Variants in AFAP1 observed in about 807,000 individuals in gnomAD.
AFAP1 encodes actin filament-associated protein 1.
A neutral mutation model predicts 93.9 loss-of-function variants in AFAP1; 75 were observed. The ratio of observed to expected loss-of-function variants is 0.80; its 90% CI spans 0.66 to 0.97. AFAP1 has a LOEUF of 0.97. AFAP1 is among the 50% of genes least tolerant of loss of function. The probability of loss-of-function intolerance (pLI) is 0.00; values close to 1 mark genes in which losing one functional copy is unlikely to be tolerated. For synonymous variants in AFAP1, 517 were observed against 430.7 expected (o/e 1.20, Z -2.48); for missense variants, 1,201 against 1,050.8 (o/e 1.14, Z -1.98).
In AFAP1 at chr4:7,931,866, TTTTC is replaced by T. The variant is rs147051896; in HGVS notation, c.-3+7786_-3+7789del. On this transcript the variant is annotated intron_variant, in intron 1 of 17. Transcript: ENST00000420658. ...CTTAGGATTATAGATTCTGGTTTCTTTTTCTTTTTTTTGAGACGGAGTCTCACTT... is the reference window on the plus strand; with the variant it reads ...CTTAGGATTATAGATTCTGGTTTCTTTTTTTTTTGAGACGGAGTCTCACTT... 2.6e-4 allele frequency among the ~76,000 whole-genome samples: 40 copies of T among 151,800 alleles called. No homozygotes were observed. The East Asian group carries it at 7.7e-3, about 29-fold the overall frequency.
intron 1 of AFAP1, among the ~76,000 whole-genome samples, chr4:7,921,851 C>T (rs532374439): frequency 2.0e-5 from 3 of 152,246 alleles, no homozygotes; most frequent in Non-Finnish European, 4.4e-5. Context: ...ATAGGCCGGG[C>T]GCGGTGGCTC....
At chr4:7,910,137 A>G (rs901510430) in intron 1 of AFAP1, among the ~76,000 whole-genome samples, 20 of 152,170 alleles carry the variant, frequency 1.3e-4, no homozygotes, top group African/African-American at 4.6e-4. Flanking sequence ...AAAATTCAGA[A>G]TCAGGGAAAA....
At chr4:7,776,288 TC>T (rs1234610714) in intron 14 of AFAP1, 1 of 152,112 alleles carries the variant, frequency 6.6e-6, no homozygotes, top group Non-Finnish European at 1.5e-5. Flanking sequence ...AAACCCACAC[TC>T]CACCCTCCCT....
chr4:7,913,379 C>T (rs1374077117), intron 1 of AFAP1, among the ~76,000 whole-genome samples: 2 of 147,054 alleles, frequency 1.4e-5, no homozygotes, highest in Admixed American at 6.7e-5. Context: ...GACAGTAAGA[C>T]CCTGTCTCCA....
At chr4:7,914,121 C>T (rs1033366255) in intron 1 of AFAP1, among the ~76,000 whole-genome samples, 1 of 151,536 alleles carries the variant, frequency 6.6e-6, no homozygotes, top group East Asian at 1.9e-4. Flanking sequence ...GTGGCGCGAT[C>T]TCAGCTCACC....
At chr4:7,846,291 A>G (rs1279483432) in intron 4 of AFAP1, among the ~76,000 whole-genome samples, 2 of 152,220 alleles carry the variant, frequency 1.3e-5, no homozygotes, top group Non-Finnish European at 2.9e-5. Context: ...TATTTTATGC[A>G]CTTTCTGGTA....
intron 1 of AFAP1, among the ~76,000 whole-genome samples, chr4:7,911,915 T>C (rs1719754342): frequency 6.6e-6 from 1 of 152,204 alleles, no homozygotes; most frequent in African/African-American, 2.4e-5. Context: ...ATTGTTCCAA[T>C]GGCAACACGG....
chr4:7,838,301 TAC>T (rs898607391), intron 6 of AFAP1, among the ~76,000 whole-genome samples: 36 of 152,208 alleles, frequency 2.4e-4, no homozygotes, highest in African/African-American at 8.7e-4. Context: ...CGAAGCAGCC[TAC>T]AAACAGAGAC....
chr4:7,860,942 C>T (rs1026098637), intron 3 of AFAP1, among the ~76,000 whole-genome samples: 12 of 152,174 alleles, frequency 7.9e-5, no homozygotes, highest in African/African-American at 2.9e-4. Flanking sequence ...CGCCTCGCCT[C>T]GTGGCTGGCA....
rs1417371398 is a variant in AFAP1, at chr4:7,760,926, CCAGTGACATTGCGAAG to C, written c.*2823_*2838del. 2.0e-5 allele frequency: 3 copies of C among 152,278 alleles called. No individual in the cohort carries two copies. The highest frequency in any genetic ancestry group is 7.2e-5 in the African/African-American group (3 of 41,468). 9.4% of individuals were successfully genotyped at this position (152,278 alleles called of 1,614,324 possible). A position where few individuals can be genotyped will look rare whatever the true frequency, so the allele number is the denominator to read the frequency against. ...TGTGAACACGACCATCTGCTAAGTA[CCAGTGACATTGCGAAG>C]AAATCCGGCTTCTCCGGGGACCCTG... is the stretch of plus-strand genomic sequence containing the variant. On this transcript the variant is annotated 3_prime_UTR_variant, in exon 18 of 18. Coordinates refer to ENST00000420658, the MANE Select transcript of AFAP1 (RefSeq NM_001134647.2).
At chr4:7,827,143 CG>C (rs892651223) in intron 6 of AFAP1, among the ~76,000 whole-genome samples, 11 of 152,004 alleles carry the variant, frequency 7.2e-5, no homozygotes, top group African/African-American at 2.7e-4. Context: ...GAAGAGGACC[CG>C]TAAGCCCGAG....
Position 7,761,120 on chromosome 4 carries a change from C to T in AFAP1, c.*2645G>A, listed in dbSNP as rs532533166. The T allele has an allele frequency of 1.1e-4, 16 of 152,256 alleles. No individual in the cohort carries two copies. The highest frequency in any genetic ancestry group is 2.1e-4 in the South Asian group (1 of 4,820). 9.4% of individuals were successfully genotyped at this position (152,256 alleles called of 1,614,324 possible). A position where few individuals can be genotyped will look rare whatever the true frequency, so the allele number is the denominator to read the frequency against. On this transcript the variant is annotated 3_prime_UTR_variant, in exon 18 of 18. Transcript: ENST00000420658. ...CTGTCAGAATTCTGGCAAGATGGCT[C>T]GCGTGTGTCTAATATGTACAGATAT...
At chr4:7,886,031 T>C (rs942224713) in intron 1 of AFAP1, among the ~76,000 whole-genome samples, 2 of 152,194 alleles carry the variant, frequency 1.3e-5, no homozygotes, top group African/African-American at 4.8e-5. Flanking sequence ...CCGCAGATCA[T>C]CCAAATGCGC....
chr4:7,911,022 C>G (rs1185992803), intron 1 of AFAP1, among the ~76,000 whole-genome samples: 1 of 152,202 alleles, frequency 6.6e-6, no homozygotes, highest in Non-Finnish European at 1.5e-5. Flanking sequence ...GCTATCGAGT[C>G]CTGGCAGCTC....
At chr4:7,839,862 T>A (rs1428835858) in intron 5 of AFAP1, among the ~76,000 whole-genome samples, 2 of 152,216 alleles carry the variant, frequency 1.3e-5, no homozygotes, top group Admixed American at 6.5e-5. Context: ...TTTATCTGCA[T>A]CCCAGGGAGT....
chr4:7,880,362 C>G (rs905865233), intron 1 of AFAP1, among the ~76,000 whole-genome samples: 7 of 143,372 alleles, frequency 4.9e-5, no homozygotes, highest in Admixed American at 1.5e-4. Flanking sequence ...TCACTGCAAT[C>G]TCTGCCTTCT....
chr4:7,908,029 C>T (rs141591436), intron 1 of AFAP1, among the ~76,000 whole-genome samples: 322 of 152,184 alleles, frequency 2.1e-3, no homozygotes, highest in African/African-American at 7.3e-3. Flanking sequence ...CCGGCCAATG[C>T]GGTGAAACCC....
chr4:7,802,226 CTT>C (rs1719113665), intron 9 of AFAP1, among the ~76,000 whole-genome samples: 1 of 152,068 alleles, frequency 6.6e-6, no homozygotes, highest in South Asian at 2.1e-4. Context: ...GGAACTAAAA[CTT>C]TCATCTGGGG....
At chr4:7,918,115 G>T (rs1304833063) in intron 1 of AFAP1, among the ~76,000 whole-genome samples, 1 of 152,228 alleles carries the variant, frequency 6.6e-6, no homozygotes, top group Non-Finnish European at 1.5e-5. Flanking sequence ...CACTACTGGA[G>T]AAGATGGGTG....
Sources: gnomAD v4.1 joint callset for allele counts (sites outside exome capture counted in the v4.1 genomes callset) on GRCh38, gnomAD v4.1.1 for gene constraint, MANE v1.5 for transcripts, NCBI Gene and HGNC (gene_info 2026-07-23, HGNC 2026-07-21) for gene names.